The following CARMIL1 variants were observed in gnomAD, a reference collection of about 807,000 sequenced individuals.
The protein encoded by CARMIL1 is F-actin-uncapping protein LRRC16A.
In CARMIL1, 90 loss-of-function variants were observed where a neutral mutation model predicts 177.1. The observed-to-expected ratio is 0.51, with a 90% CI of 0.43 to 0.61. CARMIL1 has a LOEUF of 0.61. Among genes scored for constraint, CARMIL1 ranks in the 20% least tolerant of loss-of-function variants. CARMIL1 has a pLI of 0.00. For missense variants in CARMIL1, 1,380 were observed against 1,667.0 expected (o/e 0.83, Z 3.00); for synonymous variants, 577 against 606.2 (o/e 0.95, Z 0.71).
intron 2 of CARMIL1, among the ~76,000 whole-genome samples, chr6:25,374,077 G>T (rs1425519306): frequency 6.6e-6 from 1 of 151,982 alleles, no homozygotes; most frequent in African/African-American, 2.4e-5. Flanking sequence ...GCTAGCTTTG[G>T]GTTTGGTTTG....
Position 25,604,803 on chromosome 6 carries a change from AT to A in CARMIL1, c.3553-3del. The A allele has an allele frequency of 6.3e-7, 1 of 1,578,698 alleles. No individual in the cohort carries two copies. Among genetic ancestry groups the A allele is most frequent in the Non-Finnish European group, 8.6e-7 (1 of 1,161,920 alleles). Reference sequence around the variant, plus strand: ...CACTTTTTGGGGGGATGGTGCTTGAATTTTTTAGAAGCTTGGGAATGATGCC... The same window carrying A: ...CACTTTTTGGGGGGATGGTGCTTGAATTTTTAGAAGCTTGGGAATGATGCC... On this transcript the variant is annotated splice_region_variant and splice_polypyrimidine_tract_variant and intron_variant, in intron 33 of 36. Transcript: ENST00000329474.
At chr6:25,410,076 A>ACCCCCCCCAC (rs371418369) in intron 2 of CARMIL1, among the ~76,000 whole-genome samples, 3 of 139,898 alleles carry the variant, frequency 2.1e-5, no homozygotes, top group Non-Finnish European at 3.1e-5. Flanking sequence ...ATCTAAATCA[A>ACCCCCCCCAC]CCCCCCCCGC....
At chr6:25,281,118 A>ACG (rs749273570) in intron 1 of CARMIL1, among the ~76,000 whole-genome samples, 1,980 of 80,574 alleles carry the variant, frequency 0.025, 19 homozygotes, top group Non-Finnish European at 0.041. Context: ...TCACAGACGC[A>ACG]CGCGCGTGTG....
Position 25,491,584 on chromosome 6 carries a change from G to A in CARMIL1, c.1066-148G>A, listed in dbSNP as rs564525966. On this transcript the variant is annotated intron_variant, in intron 13 of 36. Transcript: ENST00000329474. ...GATTTTCACTGTCAGGGAACCTAAA[G>A]GAATGACAGAAAATTCTGATAATCC... 4 of 527,490 alleles carry A rather than the reference G, an allele frequency of 7.6e-6. No homozygotes were observed. In the African/African-American group the frequency reaches 7.6e-5, roughly 10 times the overall value. 32.7% of individuals were successfully genotyped at this position (527,490 alleles called of 1,614,324 possible).
At chr6:25,471,789 C>G (rs1475093919) in intron 10 of CARMIL1, among the ~76,000 whole-genome samples, 1 of 152,096 alleles carries the variant, frequency 6.6e-6, no homozygotes, top group Non-Finnish European at 1.5e-5. Flanking sequence ...TCTCCCTTTT[C>G]AGGTTAACAC....
rs371029075 is a variant in CARMIL1 at position 25,606,231 on chromosome 6, C to T, written c.3805C>T (p.Arg1269Trp). 15 of 1,613,762 alleles carry T rather than the reference C, an allele frequency of 9.3e-6. No individual in the cohort carries two copies. The East Asian group carries it at 1.1e-4, about 12-fold the overall frequency. The change falls in exon 35 of 37, where the codon CGG becomes TGG. Residue 1269 changes from arginine to tryptophan, a missense_variant. By Grantham distance (101) the Arg-to-Trp change is moderately radical. Transcript: ENST00000329474. ...GTCCCCCAAACCCAGTCTGGCAGCACGGCCCGTCATCCCGCAGAAACCAAG... is the reference window on the plus strand; with the variant it reads ...GTCCCCCAAACCCAGTCTGGCAGCATGGCCCGTCATCCCGCAGAAACCAAG... ...LQSPKPSLAA[R>W]PVIPQKPRTA...
At chr6:25,589,409 C>T (rs1814087207) in intron 31 of CARMIL1, among the ~76,000 whole-genome samples, 2 of 152,230 alleles carry the variant, frequency 1.3e-5, no homozygotes, top group Non-Finnish European at 2.9e-5. Flanking sequence ...AGTCTTGTTA[C>T]TCTGTTCTGA....
At chr6:25,303,848 A>G (rs1241809046) in intron 2 of CARMIL1, among the ~76,000 whole-genome samples, 1 of 152,256 alleles carries the variant, frequency 6.6e-6, no homozygotes, top group East Asian at 1.9e-4. Flanking sequence ...GTAAGTTTTA[A>G]AGGAAGAAGC....
In CARMIL1 at chr6:25,619,669, C is replaced by T. The variant is rs1265014161; in HGVS notation, c.*86C>T. The stretch of plus-strand genomic sequence containing the variant: ...AAGGGCAACATCTTTTCTTCCCAGG[C>T]GTTCTTCTCTGGGTGCTTTATTCTC... On this transcript the variant is annotated 3_prime_UTR_variant, in exon 37 of 37. Coordinates refer to ENST00000329474, the MANE Select transcript of CARMIL1 (RefSeq NM_017640.6). 13 of 1,276,780 alleles carry T rather than the reference C, an allele frequency of 1.0e-5. No individual in the cohort carries two copies. The East Asian group carries it at 1.1e-4, about 11-fold the overall frequency. The allele number at this position is 1,276,780 out of a possible 1,614,324, so 79.1% of individuals were successfully genotyped here.
At chr6:25,607,979 C>T in intron 35 of CARMIL1, among the ~76,000 whole-genome samples, 1 of 152,126 alleles carries the variant, frequency 6.6e-6, no homozygotes, top group Non-Finnish European at 1.5e-5. Flanking sequence ...TTGGTCCATA[C>T]ACAATGTTTT....
chr6:25,500,767 T>A (rs34838201), intron 17 of CARMIL1, among the ~76,000 whole-genome samples: 21,302 of 151,158 alleles, frequency 0.14, 1,797 homozygotes, highest in Admixed American at 0.19. Flanking sequence ...ATTTATATAT[T>A]TTTTTTTCTT....
At chr6:25,504,624 C>T (rs1297277473) in intron 17 of CARMIL1, among the ~76,000 whole-genome samples, 2 of 152,148 alleles carry the variant, frequency 1.3e-5, no homozygotes, top group Non-Finnish European at 2.9e-5. Context: ...ATTAACCTTA[C>T]GTTTTCAGAT....
chr6:25,345,311 T>G (rs1244031102), intron 2 of CARMIL1, among the ~76,000 whole-genome samples: 1 of 152,192 alleles, frequency 6.6e-6, no homozygotes, highest in Non-Finnish European at 1.5e-5. Context: ...TGCTAATTCC[T>G]TATCGCTCCA....
At chr6:25,283,269 G>T (rs1300330469) in intron 1 of CARMIL1, among the ~76,000 whole-genome samples, 2 of 152,170 alleles carry the variant, frequency 1.3e-5, no homozygotes, top group Admixed American at 6.5e-5. Context: ...GACTGGGAGG[G>T]ACGTGATGAA....
At chr6:25,420,248 G>A (rs1795733822) in intron 3 of CARMIL1, 84 bp downstream of exon 3, 1 of 1,265,788 alleles carries the variant, frequency 7.9e-7, no homozygotes, top group South Asian at 1.2e-5. Context: ...TCTTACATGT[G>A]TGCACACATA....
At chr6:25,399,128 A>T (rs528717030) in intron 2 of CARMIL1, among the ~76,000 whole-genome samples, 3 of 152,286 alleles carry the variant, frequency 2.0e-5, no homozygotes, top group African/African-American at 7.2e-5. Context: ...AGGCCTCTGG[A>T]AGGATACTTT....
intron 8 of CARMIL1, 52 bp downstream of exon 8, chr6:25,450,763 CCTT>C (rs1454351088): frequency 0.01 from 4,024 of 397,960 alleles, 51 homozygotes; most frequent in Non-Finnish European, 0.012. Context: ...TTCCTCCCTC[CCTT>C]CCTCCCTCCC....
intron 2 of CARMIL1, among the ~76,000 whole-genome samples, chr6:25,396,334 T>C (rs1443060789): frequency 6.6e-6 from 1 of 151,558 alleles, no homozygotes; most frequent in Non-Finnish European, 1.5e-5. Flanking sequence ...CCTGGGAAAA[T>C]AAATATCATG....
chr6:25,330,991 A>T (rs923470133), intron 2 of CARMIL1, among the ~76,000 whole-genome samples: 2 of 151,228 alleles, frequency 1.3e-5, no homozygotes, highest in African/African-American at 4.9e-5. Flanking sequence ...TTATCAAGAT[A>T]AATTGTAGAA....
Sources: allele counts gnomAD v4.1 joint callset (sites outside exome capture counted in the v4.1 genomes callset), GRCh38; gene constraint gnomAD v4.1.1; transcripts MANE v1.5; gene names NCBI Gene and HGNC (gene_info 2026-07-23, HGNC 2026-07-21).